The following ANKRD30BL variants were observed in gnomAD, a reference collection of about 807,000 sequenced individuals.
ANKRD30BL encodes the protein ankyrin repeat domain 30B like.
ANKRD30BL carries 20 observed loss-of-function variants against 18.4 expected under a neutral mutation model. That is an observed-to-expected ratio of 1.09 (90% CI 0.77 to 1.58). The LOEUF (loss-of-function observed/expected upper bound fraction) is 1.58. Among genes scored for constraint, ANKRD30BL ranks in the 40% most tolerant of loss-of-function variants. The pLI is 0.00. For missense variants in ANKRD30BL, 224 were observed against 268.6 expected, an observed-to-expected ratio of 0.83 and a Z score of 1.16; for synonymous variants, 72 against 100.9, an observed-to-expected ratio of 0.71 and a Z score of 1.72.
intron 5 of ANKRD30BL, among the ~76,000 whole-genome samples, chr2:132,150,371 T>C (rs200017911): frequency 6.6e-6 from 1 of 151,838 alleles, no homozygotes; most frequent in Non-Finnish European, 1.5e-5. Flanking sequence ...AATGTTGCAG[T>C]TTTCTGTTAT....
At chr2:132,201,057 T>C (rs1352588305) in intron 1 of ANKRD30BL, among the ~76,000 whole-genome samples, 1 of 152,126 alleles carries the variant, frequency 6.6e-6, no homozygotes, top group Admixed American at 6.6e-5. Flanking sequence ...GGATTCCCTA[T>C]TTAATAAATG....
chr2:132,159,882 A>T (rs893315004), intron 1 of ANKRD30BL, among the ~76,000 whole-genome samples: 1 of 151,936 alleles, frequency 6.6e-6, no homozygotes, highest in Non-Finnish European at 1.5e-5. Flanking sequence ...TTTGTATATT[A>T]AAAAAATTTA....
At chr2:132,214,202 G>A (rs546990528) in intron 1 of ANKRD30BL, among the ~76,000 whole-genome samples, 9 of 151,874 alleles carry the variant, frequency 5.9e-5, no homozygotes, top group East Asian at 3.9e-4. Flanking sequence ...ATTTCTTTGC[G>A]ATTGGTGTAT....
intron 1 of ANKRD30BL, among the ~76,000 whole-genome samples, chr2:132,232,097 T>C (rs1245043117): frequency 6.6e-6 from 1 of 151,970 alleles, no homozygotes; most frequent in East Asian, 1.9e-4. Flanking sequence ...CACGGCAGGG[T>C]ATTCCAACAG....
intron 1 of ANKRD30BL, among the ~76,000 whole-genome samples, chr2:132,218,895 A>T (rs575869029): frequency 5.3e-5 from 8 of 151,928 alleles, no homozygotes; most frequent in African/African-American, 1.9e-4. Context: ...GATAGAGCTG[A>T]TTTTAAACAC....
At chr2:132,220,203 CTTCT>C (rs1679633922) in intron 1 of ANKRD30BL, among the ~76,000 whole-genome samples, 1 of 152,066 alleles carries the variant, frequency 6.6e-6, no homozygotes, top group East Asian at 1.9e-4. Flanking sequence ...TTCTCAGAAA[CTTCT>C]TTGTGTTGTG....
intron 4 of ANKRD30BL, chr2:132,152,546 C>T (rs913419331): frequency 8.5e-5 from 13 of 152,074 alleles, no homozygotes; most frequent in African/African-American, 2.9e-4. Flanking sequence ...AAAAGAATCA[C>T]TTGAGGGGAC....
chr2:132,254,293 G>A (rs1680758515), intron 1 of ANKRD30BL, among the ~76,000 whole-genome samples: 2 of 152,184 alleles, frequency 1.3e-5, no homozygotes, highest in Admixed American at 1.3e-4. Flanking sequence ...GGGGAACACG[G>A]TCAGCCAAGG....
intron 1 of ANKRD30BL, among the ~76,000 whole-genome samples, chr2:132,231,305 A>T (rs1488002687): frequency 6.6e-6 from 1 of 152,200 alleles, no homozygotes; most frequent in Admixed American, 6.6e-5. Flanking sequence ...TGAGGCCTTC[A>T]TTGAAAACGG....
chr2:132,163,821 A>T (rs1423924174), upstream of ANKRD30BL, among the ~76,000 whole-genome samples: 1 of 152,204 alleles, frequency 6.6e-6, no homozygotes, highest in African/African-American at 2.4e-5. Flanking sequence ...ATGAACAAAA[A>T]CCCAAGAATT....
In ANKRD30BL at chr2:132,239,111, G is replaced by A. The variant is rs538586115; in HGVS notation, n.441+18418C>T. On this transcript the variant is annotated intron_variant and non_coding_transcript_variant, in intron 1 of 4. Coordinates refer to the ANKRD30BL transcript ENST00000470729. ...ACATTTGGAGCGCTTTAGCGCCTGT[G>A]GTAAAAAAGGAAATATAGTCACATA... Among the ~76,000 whole-genome samples, 341 of 151,956 alleles carry A rather than the reference G, an allele frequency of 2.2e-3. 1 individual carries two copies. The highest frequency in any genetic ancestry group is 7.8e-3 in the African/African-American group (323 of 41,504).
At chr2:132,202,035 C>A (rs1023050525) in intron 1 of ANKRD30BL, among the ~76,000 whole-genome samples, 1 of 151,970 alleles carries the variant, frequency 6.6e-6, no homozygotes, top group Non-Finnish European at 1.5e-5. Flanking sequence ...AGTAAACTAT[C>A]GCAAGAACAA....
chr2:132,160,775 G>A (rs1197289897), intron 1 of ANKRD30BL, among the ~76,000 whole-genome samples: 11 of 151,974 alleles, frequency 7.2e-5, no homozygotes, highest in Admixed American at 5.2e-4. Flanking sequence ...ATCTAGAAGG[G>A]CAAGACTTTT....
At chr2:132,232,555 T>C (rs1377137994) in intron 1 of ANKRD30BL, among the ~76,000 whole-genome samples, 37 of 152,132 alleles carry the variant, frequency 2.4e-4, no homozygotes, top group African/African-American at 7.7e-4. Context: ...CCTCAGGAGC[T>C]GATGCAATCA....
intron 1 of ANKRD30BL, among the ~76,000 whole-genome samples, chr2:132,232,303 T>C (rs973073537): frequency 2.0e-5 from 3 of 152,128 alleles, no homozygotes; most frequent in African/African-American, 7.2e-5. Flanking sequence ...GGAACGCAGT[T>C]CCTCACCAGC....
At chr2:132,244,407 C>CG (rs1442278159) in intron 1 of ANKRD30BL, among the ~76,000 whole-genome samples, 2 of 152,132 alleles carry the variant, frequency 1.3e-5, no homozygotes, top group African/African-American at 4.8e-5. Context: ...TCACTGGAAA[C>CG]GGATATATCT....
chr2:132,221,259 G>GC (rs1358384325), intron 1 of ANKRD30BL, among the ~76,000 whole-genome samples: 1 of 132,730 alleles, frequency 7.5e-6, no homozygotes, highest in Non-Finnish European at 1.6e-5. Flanking sequence ...CTGCCCGGCC[G>GC]CCCCTACTGG....
chr2:132,223,800 A>G (rs1234127341), intron 1 of ANKRD30BL, among the ~76,000 whole-genome samples: 2 of 152,112 alleles, frequency 1.3e-5, no homozygotes, highest in East Asian at 3.9e-4. Context: ...ATCTTCCCAT[A>G]AAAACTAGAC....
intron 1 of ANKRD30BL, among the ~76,000 whole-genome samples, chr2:132,240,923 CA>C (rs1185777023): frequency 6.6e-6 from 1 of 151,822 alleles, no homozygotes; most frequent in Non-Finnish European, 1.5e-5. Context: ...TTTGATACAG[CA>C]CTTTTGAAAC....
Sources: gnomAD v4.1 joint callset for allele counts (sites outside exome capture counted in the v4.1 genomes callset) on GRCh38, gnomAD v4.1.1 for gene constraint, MANE v1.5 for transcripts, NCBI Gene and HGNC (gene_info 2026-07-23, HGNC 2026-07-21) for gene names.